NOD1: variants seen among roughly 807,000 people sequenced by gnomAD.
NOD1 encodes nucleotide binding oligomerization domain containing 1, also known as nucleotide-binding oligomerization domain-containing protein 1.
NOD1 carries 70 observed loss-of-function variants against 81.2 expected under a neutral mutation model. That is an observed-to-expected ratio of 0.86 (90% CI 0.71 to 1.05). NOD1 has a LOEUF of 1.05. NOD1 is among the 50% of genes least tolerant of loss of function. The probability of loss-of-function intolerance (pLI) is 0.00; values close to 1 mark genes in which losing one functional copy is unlikely to be tolerated. For missense variants in NOD1, 1,233 were observed against 1,228.0 expected (o/e 1.00, Z -0.06); for synonymous variants, 508 against 526.9 (o/e 0.96, Z 0.49).
Position 30,456,826 on chromosome 7 carries a change from AGTGACCAGAAGTTCCCGATTGCTTTTC to A in NOD1, c.69_95del (p.Lys24_Thr32del). 6.2e-7 allele frequency: 1 copy of A among 1,614,130 alleles called. No individual in the cohort carries two copies. Among genetic ancestry groups the A allele is most frequent in the Non-Finnish European group, 8.5e-7 (1 of 1,179,996 alleles). ...CCAGACACTGAGTATTGCGGATGTG[AGTGACCAGAAGTTCCCGATTGCTTTTC>A]AGTAATTGAATGTGGGGGTGAGACT... On this transcript the variant is annotated inframe_deletion, in exon 4 of 14. Coordinates refer to ENST00000222823, the MANE Select transcript of NOD1 (RefSeq NM_006092.4).
At chr7:30,450,002 G>C (rs1785518692) in intron 6 of NOD1, among the ~76,000 whole-genome samples, 1 of 152,196 alleles carries the variant, frequency 6.6e-6, no homozygotes, top group South Asian at 2.1e-4. Context: ...AGACCAGCCT[G>C]GCCAACATGG....
intron 13 of NOD1, among the ~76,000 whole-genome samples, chr7:30,429,027 T>C (rs980680712): frequency 1.3e-5 from 2 of 152,168 alleles, no homozygotes; most frequent in African/African-American, 4.8e-5. Context: ...CATCTCTCAA[T>C]TGCTGAGTCC....
chr7:30,429,218 G>T (rs970204007), intron 13 of NOD1, among the ~76,000 whole-genome samples, 156 bp downstream of exon 13: 1 of 152,234 alleles, frequency 6.6e-6, no homozygotes, highest in East Asian at 1.9e-4. Flanking sequence ...ACTGGTCTGG[G>T]CCTCTGTCTA....
chr7:30,462,488 T>C (rs1042765166), intron 1 of NOD1, among the ~76,000 whole-genome samples: 4 of 151,418 alleles, frequency 2.6e-5, no homozygotes, highest in Admixed American at 2.0e-4. Flanking sequence ...CTGGCTATAA[T>C]AGAATAACTT....
intron 8 of NOD1, 159 bp from the exon 9 acceptor site, chr7:30,446,383 A>C (rs5743356): frequency 0.013 from 8,051 of 641,408 alleles, 434 homozygotes; most frequent in African/African-American, 0.12. Flanking sequence ...CCTGTCAGGG[A>C]GGGAACTGAA....
Position 30,429,471 on chromosome 7 carries a change from A to G in NOD1, c.2706-14T>C, listed in dbSNP as rs190303969. The G allele has an allele frequency of 1.6e-3, 2,642 of 1,610,558 alleles. 11 individuals carry two copies. The highest frequency in any genetic ancestry group is 7.3e-3 in the Middle Eastern group (44 of 6,060). ...TTCTGGATAAGCCTGAAAGAAGAAC[A>G]TAACTTGTATAAAATCCATAATACT... On this transcript the variant is annotated splice_polypyrimidine_tract_variant and intron_variant, in intron 12 of 13. Coordinates refer to ENST00000222823, the MANE Select transcript of NOD1 (RefSeq NM_006092.4).
intron 9 of NOD1, 28 bp downstream of exon 9, chr7:30,446,098 ACACAGCAGGTTGTAC>A (rs759019850): frequency 7.0e-7 from 1 of 1,435,740 alleles, no homozygotes; most frequent in East Asian, 2.3e-5. Context: ...CCCCCCACAC[ACACAGCAGGTTGTAC>A]CACATACATC....
At chr7:30,471,689 T>C (rs1788291961) in intron 1 of NOD1, among the ~76,000 whole-genome samples, 1 of 152,218 alleles carries the variant, frequency 6.6e-6, no homozygotes, top group African/African-American at 2.4e-5. Flanking sequence ...GCCCTTCCCA[T>C]AGCCAGGGGG....
At chr7:30,437,464 C>T (rs1784477495) in intron 10 of NOD1, 109 bp downstream of exon 10, 1 of 609,896 alleles carries the variant, frequency 1.6e-6, no homozygotes, top group South Asian at 3.3e-5. Flanking sequence ...AGGAAAATCA[C>T]ACATGCAAAT....
intron 6 of NOD1, among the ~76,000 whole-genome samples, chr7:30,449,942 CA>C (rs1785511809): frequency 6.6e-6 from 1 of 152,188 alleles, no homozygotes; most frequent in Non-Finnish European, 1.5e-5. Flanking sequence ...CCTGTAACCC[CA>C]ACATTTTGGA....
intron 1 of NOD1, among the ~76,000 whole-genome samples, chr7:30,463,095 A>G (rs1030161509): frequency 1.3e-5 from 2 of 152,068 alleles, no homozygotes; most frequent in East Asian, 3.8e-4. Flanking sequence ...GGGGAGATAG[A>G]AATGTTCTGT....
chr7:30,459,802 T>C (rs1213785035), intron 2 of NOD1, 99 bp downstream of exon 2: 1 of 152,618 alleles, frequency 6.6e-6, no homozygotes, highest in Non-Finnish European at 1.5e-5. Context: ...AATGCCATGC[T>C]CCATTCTTTA....
chr7:30,438,125 G>A (rs1784544712), intron 9 of NOD1, among the ~76,000 whole-genome samples: 1 of 152,202 alleles, frequency 6.6e-6, no homozygotes, highest in Non-Finnish European at 1.5e-5. Flanking sequence ...AGGAGACAAA[G>A]AGCAGGAAGT....
chr7:30,435,338 G>A (rs929510285), intron 11 of NOD1, among the ~76,000 whole-genome samples: 5 of 152,094 alleles, frequency 3.3e-5, no homozygotes, highest in African/African-American at 1.2e-4. Context: ...TGAAGAGGAG[G>A]AAGGGAGAAA....
At chr7:30,437,796 A>C (rs1784512323) in intron 9 of NOD1, 140 bp from the exon 10 acceptor site, 1 of 590,044 alleles carries the variant, frequency 1.7e-6, no homozygotes, top group Admixed American at 4.2e-5. Flanking sequence ...TGTGGCCTGG[A>C]CACTAATTCC....
chr7:30,458,825 C>A (rs937728545), intron 3 of NOD1, among the ~76,000 whole-genome samples: 7 of 151,796 alleles, frequency 4.6e-5, no homozygotes, highest in African/African-American at 1.7e-4. Flanking sequence ...CAACATCTGC[C>A]TCCTGAGCTC....
chr7:30,445,783 A>AAAG (rs1785001806), intron 9 of NOD1, among the ~76,000 whole-genome samples: 2 of 146,290 alleles, frequency 1.4e-5, no homozygotes, highest in African/African-American at 5.0e-5. Context: ...AAAAAAAAAA[A>AAAG]GGAAATCCTG....
At chr7:30,429,013 C>G (rs970466781) in intron 13 of NOD1, among the ~76,000 whole-genome samples, 1 of 152,322 alleles carries the variant, frequency 6.6e-6, no homozygotes, top group African/African-American at 2.4e-5. Context: ...CTGGCCAACA[C>G]AGTCATCTCT....
rs577199321 is a variant in NOD1 at position 30,459,418 on chromosome 7, TTTG to T, written c.-210-181_-210-179del. ...TCAACGTCCCCACCATAGTCACTTT[TTTG>T]TTGTTCTTGCCATAATTGAGTCACA... On this transcript the variant is annotated intron_variant, in intron 2 of 13. Transcript: ENST00000222823. Among the ~76,000 whole-genome samples the T allele has an allele frequency of 5.9e-5, 9 of 152,360 alleles. No individual in the cohort carries two copies. In the East Asian group the frequency reaches 1.5e-3, roughly 26 times the overall value.
Sources: gnomAD v4.1 joint callset for allele counts (sites outside exome capture counted in the v4.1 genomes callset) on GRCh38, gnomAD v4.1.1 for gene constraint, MANE v1.5 for transcripts, NCBI Gene and HGNC (gene_info 2026-07-23, HGNC 2026-07-21) for gene names.